MIB1: variants seen among roughly 807,000 people sequenced by gnomAD.
MIB1 encodes MIB E3 ubiquitin protein ligase 1, also known as E3 ubiquitin-protein ligase MIB1.
In MIB1, 278 loss-of-function variants were observed where a neutral mutation model predicts 124.5. That is an observed-to-expected ratio of 2.23 (90% CI 2.02 to 2.47). The LOEUF (loss-of-function observed/expected upper bound fraction) is 2.47. Ranked by LOEUF, MIB1 falls within the 30% of genes most tolerant of loss-of-function variation. The pLI is 0.00. For synonymous variants in MIB1, 446 were observed against 429.4 expected (o/e 1.04, Z -0.48); for missense variants, 957 against 1,254.4 (o/e 0.76, Z 3.58).
intron 11 of MIB1, among the ~76,000 whole-genome samples, chr18:21,816,158 A>C (rs1186216760): frequency 2.0e-5 from 3 of 152,204 alleles, no homozygotes; most frequent in African/African-American, 7.2e-5. Flanking sequence ...CTTCATAACT[A>C]TTTAAATTAT....
intron 12 of MIB1, among the ~76,000 whole-genome samples, chr18:21,836,145 T>TCGGGAGGCTAAGG (rs2042029033): frequency 1.3e-5 from 2 of 151,880 alleles, no homozygotes; most frequent in Non-Finnish European, 2.9e-5. Flanking sequence ...TCCCAGCTAC[T>TCGGGAGGCTAAGG]CGGGAGGCTA....
chr18:21,823,401 TA>T (rs757621455), intron 12 of MIB1, among the ~76,000 whole-genome samples: 1,873 of 128,256 alleles, frequency 0.015, 19 homozygotes, highest in African/African-American at 0.037. Flanking sequence ...ACCCTGTCTC[TA>T]AAAAAAAAAA....
chr18:21,852,868 C>T (rs2042193401), intron 17 of MIB1, among the ~76,000 whole-genome samples: 1 of 152,216 alleles, frequency 6.6e-6, no homozygotes, highest in Admixed American at 6.5e-5. Flanking sequence ...CCAGAGGCTT[C>T]CTCAGAGGAA....
At chr18:21,812,990 A>G (rs1009524297) in intron 10 of MIB1, among the ~76,000 whole-genome samples, 6 of 152,156 alleles carry the variant, frequency 3.9e-5, no homozygotes, top group African/African-American at 1.2e-4. Context: ...ATTATATTTA[A>G]TTGTAATTTT....
chr18:21,739,757 T>TAAA (rs2040821565), upstream of MIB1, among the ~76,000 whole-genome samples: 1 of 151,456 alleles, frequency 6.6e-6, no homozygotes, highest in Admixed American at 6.6e-5. Flanking sequence ...CTGCCAAAAA[T>TAAA]ACAAAAAATT....
intron 11 of MIB1, among the ~76,000 whole-genome samples, chr18:21,818,990 G>C (rs376930367): frequency 6.6e-6 from 1 of 152,072 alleles, no homozygotes; most frequent in Admixed American, 6.6e-5. Flanking sequence ...CTAGATTTGA[G>C]TATGTCTTTC....
intron 12 of MIB1, among the ~76,000 whole-genome samples, chr18:21,822,785 C>G (rs1249462810): frequency 6.6e-6 from 1 of 152,060 alleles, no homozygotes; most frequent in African/African-American, 2.4e-5. Flanking sequence ...AAAATAACAA[C>G]CAGTCTTTTT....
intron 11 of MIB1, among the ~76,000 whole-genome samples, chr18:21,816,937 G>T (rs375777211): frequency 3.3e-5 from 5 of 151,994 alleles, no homozygotes; most frequent in Non-Finnish European, 7.3e-5. Context: ...ACCTGCTGAC[G>T]TTTTTTGTCT....
At chr18:21,839,531 G>A (rs1291505799) in intron 13 of MIB1, among the ~76,000 whole-genome samples, 1 of 152,108 alleles carries the variant, frequency 6.6e-6, no homozygotes, top group Non-Finnish European at 1.5e-5. Context: ...TTGAGACTGG[G>A]TCTCACTCTG....
At chr18:21,706,792 GCCGCACCCC>G (rs1170794406) in intron 1 of MIB1, among the ~76,000 whole-genome samples, 1 of 152,188 alleles carries the variant, frequency 6.6e-6, no homozygotes, top group Non-Finnish European at 1.5e-5. Context: ...CCATGCCTGA[GCCGCACCCC>G]CCGCCCCACT....
chr18:21,744,097 G>GTTT (rs768951212), intron 1 of MIB1, among the ~76,000 whole-genome samples: 8 of 121,240 alleles, frequency 6.6e-5, no homozygotes, highest in East Asian at 2.3e-4. Context: ...ATTCTTCAGG[G>GTTT]TTTTTTTTTT....
At chr18:21,782,358 C>T (rs933933015) in intron 6 of MIB1, among the ~76,000 whole-genome samples, 4 of 151,744 alleles carry the variant, frequency 2.6e-5, no homozygotes, top group Admixed American at 6.6e-5. Context: ...CCTGACCTCC[C>T]GTGATCCGCC....
intron 1 of MIB1, among the ~76,000 whole-genome samples, chr18:21,734,009 G>A (rs1439954823): frequency 6.6e-6 from 1 of 151,780 alleles, no homozygotes; most frequent in East Asian, 1.9e-4. Flanking sequence ...TTGGGGCATT[G>A]TCCCCATAAA....
intron 17 of MIB1, among the ~76,000 whole-genome samples, chr18:21,851,978 A>G (rs1261627549): frequency 6.6e-6 from 1 of 152,228 alleles, no homozygotes; most frequent in Non-Finnish European, 1.5e-5. Context: ...AATGGAAATC[A>G]TTTTAAAAAT....
chr18:21,784,706 A>T (rs2041414007), intron 6 of MIB1, among the ~76,000 whole-genome samples: 1 of 152,148 alleles, frequency 6.6e-6, no homozygotes, highest in Non-Finnish European at 1.5e-5. Flanking sequence ...AGAAGAGAAG[A>T]GTGTGAGCCC....
intron 16 of MIB1, among the ~76,000 whole-genome samples, chr18:21,848,610 T>C (rs2042155291): frequency 6.6e-6 from 1 of 152,226 alleles, no homozygotes; most frequent in Non-Finnish European, 1.5e-5. Context: ...CCCTTTTCTG[T>C]AGCTGTAGGT....
rs1249276276 is a variant in MIB1, at chr18:21,864,590, G to T, written c.2945G>T (p.Cys982Phe). ...ATTTTCCTTTGTGGTCACGGAACCTGTCAACTCTGTGGAGACCGCATGAGT... is the reference window on the plus strand; with the variant it reads ...ATTTTCCTTTGTGGTCACGGAACCTTTCAACTCTGTGGAGACCGCATGAGT... ...NMIFLCGHGT[C>F]QLCGDRMSEC... Residue 982 changes from cysteine to phenylalanine, a missense_variant, in exon 21 of 21, where the codon TGT becomes TTT. Coordinates refer to ENST00000261537, the MANE Select transcript of MIB1 (RefSeq NM_020774.4). 2 of 1,613,566 alleles carry T rather than the reference G, an allele frequency of 1.2e-6. No homozygotes were observed. The highest frequency in any genetic ancestry group is 8.5e-7 in the Non-Finnish European group (1 of 1,179,614).
upstream of MIB1, among the ~76,000 whole-genome samples, chr18:21,738,964 C>T (rs562510225): frequency 1.1e-4 from 17 of 149,774 alleles, no homozygotes; most frequent in South Asian, 2.1e-4. Flanking sequence ...GGTAGAGACA[C>T]GAAAAACCCT....
chr18:21,836,338 A>G (rs190513794), intron 12 of MIB1, among the ~76,000 whole-genome samples: 85 of 144,552 alleles, frequency 5.9e-4, no homozygotes, highest in Non-Finnish European at 1.1e-3. Flanking sequence ...CAGTGGCTCG[A>G]TCTCCACTCA....
Sources: allele counts gnomAD v4.1 joint callset (sites outside exome capture counted in the v4.1 genomes callset), GRCh38; gene constraint gnomAD v4.1.1; transcripts MANE v1.5; gene names NCBI Gene and HGNC (gene_info 2026-07-23, HGNC 2026-07-21).